The following ITGA11 variants were observed in gnomAD, a reference collection of about 807,000 sequenced individuals.
The protein encoded by ITGA11 is integrin alpha-11.
ITGA11 carries 97 observed loss-of-function variants against 141.9 expected under a neutral mutation model. The observed-to-expected ratio is 0.68, with a 90% CI of 0.58 to 0.81. The LOEUF is 0.81. ITGA11 is among the 30% of genes least tolerant of loss of function. ITGA11 has a pLI of 0.00. For missense variants in ITGA11, 1,387 were observed against 1,559.2 expected (o/e 0.89, Z 1.86); for synonymous variants, 658 against 624.6 (o/e 1.05, Z -0.80).
intron 2 of ITGA11, among the ~76,000 whole-genome samples, chr15:68,378,647 A>C (rs1378347806): frequency 6.6e-6 from 1 of 152,162 alleles, no homozygotes; most frequent in Non-Finnish European, 1.5e-5. Context: ...TGTCTCCAAA[A>C]TAAATAAATA....
At chr15:68,319,855 T>A (rs145606968) in intron 20 of ITGA11, among the ~76,000 whole-genome samples, 27 of 152,276 alleles carry the variant, frequency 1.8e-4, no homozygotes, top group African/African-American at 6.3e-4. Context: ...AGCCTCCCGA[T>A]GCCAGGCCCA....
At chr15:68,419,310 A>T (rs11852717) in intron 1 of ITGA11, among the ~76,000 whole-genome samples, 1 of 152,034 alleles carries the variant, frequency 6.6e-6, no homozygotes, top group Non-Finnish European at 1.5e-5. Context: ...TAAAGGAGTC[A>T]AGGGCTCATG....
intron 1 of ITGA11, among the ~76,000 whole-genome samples, chr15:68,413,997 C>T (rs1193443531): frequency 6.6e-6 from 1 of 152,182 alleles, no homozygotes; most frequent in Non-Finnish European, 1.5e-5. Context: ...CTTGGCTGGG[C>T]CCTCCTGCCC....
chr15:68,367,649 TCCTTG>T (rs1895465173), intron 3 of ITGA11, among the ~76,000 whole-genome samples: 2 of 152,166 alleles, frequency 1.3e-5, no homozygotes, highest in African/African-American at 4.8e-5. Flanking sequence ...ACTGTCCCCT[TCCTTG>T]GCCTCTTGTT....
At chr15:68,426,783 G>A (rs908206744) in intron 1 of ITGA11, among the ~76,000 whole-genome samples, 1 of 152,078 alleles carries the variant, frequency 6.6e-6, no homozygotes, top group African/African-American at 2.4e-5. Flanking sequence ...GGGAGGCCAA[G>A]GCAGGCAGAT....
chr15:68,420,389 C>T (rs559964385), intron 1 of ITGA11, among the ~76,000 whole-genome samples: 1 of 152,308 alleles, frequency 6.6e-6, no homozygotes, highest in African/African-American at 2.4e-5. Flanking sequence ...ACCTGGACTG[C>T]CTGCTGTGAG....
intron 10 of ITGA11, among the ~76,000 whole-genome samples, chr15:68,341,911 C>T (rs934812928): frequency 6.6e-6 from 1 of 152,202 alleles, no homozygotes; most frequent in African/African-American, 2.4e-5. Flanking sequence ...CTTGGCCAGG[C>T]GATCGCTTAC....
Position 68,303,464 on chromosome 15 carries a change from G to A in ITGA11, c.3495+308C>T, listed in dbSNP as rs115876196. Among the ~76,000 whole-genome samples the A allele has an allele frequency of 2.7e-3, 411 of 152,250 alleles. 2 individuals are homozygous for A. Among genetic ancestry groups the A allele is most frequent in the African/African-American group, 9.3e-3 (387 of 41,560 alleles). Reference sequence around the variant, plus strand: ...AGCTTCAGAGACAGAGATGGACTTCGGGAGGTTTGTTAACAGCTTGACATT... The same window carrying A: ...AGCTTCAGAGACAGAGATGGACTTCAGGAGGTTTGTTAACAGCTTGACATT... On this transcript the variant is annotated intron_variant, in intron 29 of 29. Transcript: ENST00000315757. This position sits in a 1 kb window ranked among gnomAD's most constrained non-coding sequence, Gnocchi z 5.3.
chr15:68,329,770 A>G (rs148285308), intron 15 of ITGA11, among the ~76,000 whole-genome samples: 2 of 152,130 alleles, frequency 1.3e-5, no homozygotes, highest in African/African-American at 4.8e-5. Flanking sequence ...ACCACCACCA[A>G]CAAGGACCTA....
rs1893047828 is a variant in ITGA11 at position 68,302,063 on chromosome 15, TG to T, written c.*995del. The T allele has an allele frequency of 1.3e-4, 7 of 52,444 alleles. No individual in the cohort carries two copies. The highest frequency in any genetic ancestry group is 9.9e-4 in the Admixed American group (6 of 6,052). The allele number at this position is 52,444 out of a possible 1,614,324, so 3.2% of individuals were successfully genotyped here. A position where few individuals can be genotyped will look rare whatever the true frequency, so the allele number is the denominator to read the frequency against. ...AGGGAAGGATGGGAGGCAGTGTGTG[TG>T]TGTGTGTGTGTGTGTGTGTGTGTGT... On this transcript the variant is annotated 3_prime_UTR_variant, in exon 30 of 30. Transcript: ENST00000315757.
At chr15:68,317,409 G>A (rs748867245) in intron 20 of ITGA11, 46 bp from the exon 21 acceptor site, 31 of 1,354,012 alleles carry the variant, frequency 2.3e-5, no homozygotes, top group Non-Finnish European at 3.2e-5. Context: ...GGTGGGGCCT[G>A]GGACCAGGTC....
rs200354890 is a variant in ITGA11, at chr15:68,326,783, G to A, written c.2082C>T (p.Asn694=). The change falls in exon 17 of 30, where the codon AAC becomes AAT. Residue 694 remains asparagine (N), a synonymous_variant. Transcript: ENST00000315757. This position sits in a 1 kb window ranked among gnomAD's most constrained non-coding sequence, Gnocchi z 6.8. Reference sequence around the variant, plus strand: ...TATACCGCCTCTCATCCATGGTGGCGTTGTATCTGATGCCTGCAGGAGGGG... The same window carrying A: ...TATACCGCCTCTCATCCATGGTGGCATTGTATCTGATGCCTGCAGGAGGGG... ...FQTTTVGIRY[N]ATMDERRYTP... 4.5e-5 allele frequency: 71 copies of A among 1,580,972 alleles called. No homozygotes were observed. Among genetic ancestry groups the A allele is most frequent in the Middle Eastern group, 1.7e-4 (1 of 6,036 alleles).
chr15:68,400,557 T>A (rs1441792605), intron 2 of ITGA11, among the ~76,000 whole-genome samples: 2 of 115,160 alleles, frequency 1.7e-5, no homozygotes, highest in African/African-American at 6.6e-5. Context: ...ATATATATAA[T>A]ATATATAATA....
rs1378712564 is a variant in ITGA11 at position 68,335,017 on chromosome 15, G to A, written c.1425+680C>T. On this transcript the variant is annotated intron_variant, in intron 12 of 29. Coordinates refer to ENST00000315757, the MANE Select transcript of ITGA11 (RefSeq NM_001004439.2). This position sits in a 1 kb window ranked among gnomAD's most constrained non-coding sequence, Gnocchi z 4.9. ...GCGGATTCTCACAGTGACCAGCCAA[G>A]GGCAGTCAGAGACTCAGGAGACAGG... Among the ~76,000 whole-genome samples the A allele has an allele frequency of 6.6e-6, 1 of 152,158 alleles. No individual in the cohort carries two copies. The highest frequency in any genetic ancestry group is 1.5e-5 in the Non-Finnish European group (1 of 68,018).
chr15:68,418,492 G>A (rs953128951), intron 1 of ITGA11, among the ~76,000 whole-genome samples: 4 of 152,118 alleles, frequency 2.6e-5, no homozygotes, highest in African/African-American at 9.7e-5. Context: ...GGCACACACA[G>A]GACTCGATGC....
chr15:68,380,366 T>A (rs1425847073), intron 2 of ITGA11, among the ~76,000 whole-genome samples: 1 of 152,120 alleles, frequency 6.6e-6, no homozygotes, highest in East Asian at 1.9e-4. Flanking sequence ...AGTTTCCCCA[T>A]CTGTAAAATG....
intron 10 of ITGA11, among the ~76,000 whole-genome samples, chr15:68,346,488 G>T (rs1017892238): frequency 3.3e-5 from 5 of 152,212 alleles, no homozygotes; most frequent in Non-Finnish European, 7.3e-5. Context: ...TTTCTCCCCA[G>T]CTAGGCTATG....
Position 68,312,879 on chromosome 15 carries a change from A to T in ITGA11, c.2883-16T>A. ...GCTGCTGCTCCTGCGGAGACAGAGG[A>T]CAGGGCTGTCGTGAGCTCAGTCAGG... On this transcript the variant is annotated splice_polypyrimidine_tract_variant and intron_variant, in intron 23 of 29. Coordinates refer to ENST00000315757, the MANE Select transcript of ITGA11 (RefSeq NM_001004439.2). 3.1e-6 allele frequency: 5 copies of T among 1,591,390 alleles called. No individual in the cohort carries two copies. The highest frequency in any genetic ancestry group is 3.4e-6 in the Non-Finnish European group (4 of 1,160,062).
chr15:68,314,072 C>T (rs1893488035), intron 22 of ITGA11, among the ~76,000 whole-genome samples: 1 of 152,202 alleles, frequency 6.6e-6, no homozygotes, highest in South Asian at 2.1e-4. Context: ...TACCTGCTGC[C>T]CCTTTAGGTG....
Sources: gnomAD v4.1 joint callset for allele counts (sites outside exome capture counted in the v4.1 genomes callset) on GRCh38, gnomAD v4.1.1 for gene constraint, Gnocchi (gnomAD v3.1) non-coding constraint, MANE v1.5 for transcripts, NCBI Gene and HGNC (gene_info 2026-07-23, HGNC 2026-07-21) for gene names.